Variants in ARPP21 observed in about 807,000 individuals in gnomAD.
ARPP21 encodes cAMP regulated phosphoprotein 21, also known as cAMP-regulated phosphoprotein 21.
A neutral mutation model predicts 113.2 loss-of-function variants in ARPP21; 69 were observed. That is an observed-to-expected ratio of 0.61 (90% CI 0.50 to 0.74). The LOEUF (loss-of-function observed/expected upper bound fraction) is 0.74, where lower values mean the gene tolerates loss of function less well. ARPP21 is among the 30% of genes least tolerant of loss of function. The probability of loss-of-function intolerance (pLI) is 0.00; values close to 1 mark genes in which losing one functional copy is unlikely to be tolerated. For missense variants in ARPP21, 1,070 were observed against 1,037.4 expected (o/e 1.03, Z -0.43); for synonymous variants, 368 against 375.5 (o/e 0.98, Z 0.23).
At chr3:35,790,322 A>G (rs541941143) in intron 19 of ARPP21, among the ~76,000 whole-genome samples, 1 of 152,310 alleles carries the variant, frequency 6.6e-6, no homozygotes, top group South Asian at 2.1e-4. Flanking sequence ...TGTTGGTTAT[A>G]AGTTTTCTAT....
intron 19 of ARPP21, among the ~76,000 whole-genome samples, chr3:35,780,817 G>T (rs1559944413): frequency 6.6e-6 from 1 of 152,060 alleles, no homozygotes; most frequent in Non-Finnish European, 1.5e-5. Context: ...TTATCTGGAG[G>T]CAGGCTAAAG....
At chr3:35,682,936 T>C (rs1378792250) in intron 4 of ARPP21, 47 bp downstream of exon 4, 4 of 1,469,586 alleles carry the variant, frequency 2.7e-6, no homozygotes, top group Non-Finnish European at 3.7e-6. Flanking sequence ...TGGGTATAAA[T>C]TACATATTTT....
At chr3:35,712,335 GC>G (rs1339375990) in intron 11 of ARPP21, among the ~76,000 whole-genome samples, 1 of 152,104 alleles carries the variant, frequency 6.6e-6, no homozygotes. Flanking sequence ...TATTATTTAA[GC>G]AGTGGAGTGA....
chr3:35,717,594 T>C (rs1049688031), intron 13 of ARPP21, among the ~76,000 whole-genome samples: 1 of 152,112 alleles, frequency 6.6e-6, no homozygotes, highest in Non-Finnish European at 1.5e-5. Flanking sequence ...TTCTGCTTTT[T>C]GGGGGCTAAC....
intron 1 of ARPP21, among the ~76,000 whole-genome samples, chr3:35,649,852 T>A (rs1320188140): frequency 6.6e-6 from 1 of 152,130 alleles, no homozygotes; most frequent in East Asian, 1.9e-4. Context: ...GAGAACTGAA[T>A]TCACGTTTTA....
chr3:35,645,465 A>G (rs1474614380), intron 1 of ARPP21, among the ~76,000 whole-genome samples: 1 of 151,898 alleles, frequency 6.6e-6, no homozygotes, highest in Admixed American at 6.6e-5. Flanking sequence ...ATTATGGGTA[A>G]TGTTTCTATG....
intron 1 of ARPP21, among the ~76,000 whole-genome samples, chr3:35,655,111 T>C (rs1393169059): frequency 6.6e-6 from 1 of 151,980 alleles, no homozygotes; most frequent in Non-Finnish European, 1.5e-5. Flanking sequence ...ATTCATCATA[T>C]GCATTAGCTA....
At position 35,709,088 on chromosome 3, in the gene ARPP21, T is replaced by G. The variant is rs1020584310; in HGVS notation, c.897+18T>G. Reference sequence around the variant, plus strand: ...CACACGATGTGAGTAGTTGTTTTAATTGCCTCTTTAGTGCGCTCCTTCCAA... The same window carrying G: ...CACACGATGTGAGTAGTTGTTTTAAGTGCCTCTTTAGTGCGCTCCTTCCAA... On this transcript the variant is annotated intron_variant, in intron 11 of 20. Transcript: ENST00000684406. 1.3e-6 allele frequency: 2 copies of G among 1,565,648 alleles called. No homozygotes were observed. Among genetic ancestry groups the G allele is most frequent in the Non-Finnish European group, 1.8e-6 (2 of 1,136,546 alleles).
Position 35,793,783 on chromosome 3 carries a change from G to A in ARPP21, c.2369G>A (p.Gly790Glu), listed in dbSNP as rs1225404666. The change falls in exon 21 of 21, where the codon GGG becomes GAG. Residue 790 changes from glycine to glutamate, a missense_variant. Gly to Glu is a moderately conservative substitution (Grantham distance 98). Transcript: ENST00000684406. ...PIMLPNQAGQ[G>E]SLPATGMPVY... Reference sequence around the variant, plus strand: ...ATGCTACCTAACCAGGCAGGTCAAGGGTCACTCCCAGCCACTGGAATGCCT... The same window carrying A: ...ATGCTACCTAACCAGGCAGGTCAAGAGTCACTCCCAGCCACTGGAATGCCT... 12 of 1,613,900 alleles carry A rather than the reference G, an allele frequency of 7.4e-6. No homozygotes were observed. In the South Asian group the frequency reaches 7.7e-5, roughly 10 times the overall value.
intron 19 of ARPP21, among the ~76,000 whole-genome samples, chr3:35,783,891 A>G (rs1281661032): frequency 1.3e-5 from 2 of 152,034 alleles, no homozygotes; most frequent in African/African-American, 4.8e-5. Flanking sequence ...CCTTATGTTT[A>G]TGCCTCTTTT....
In ARPP21 at chr3:35,793,666, C is replaced by T. The variant is rs767285664; in HGVS notation, c.2287-35C>T. 6.4e-6 allele frequency: 10 copies of T among 1,560,956 alleles called. No homozygotes were observed. The Admixed American group carries it at 6.7e-5, about 10-fold the overall frequency. ...TTTATTGTACAGACCAAAATAGTCT[C>T]TTCATACAGGGTTCTTGCTTGTGTC... is the stretch of plus-strand genomic sequence containing the variant. On this transcript the variant is annotated intron_variant, in intron 20 of 20. Transcript: ENST00000684406.
chr3:35,719,033 T>C (rs369228784), intron 13 of ARPP21, among the ~76,000 whole-genome samples: 2 of 66,726 alleles, frequency 3.0e-5, no homozygotes, highest in Non-Finnish European at 7.8e-5. Flanking sequence ...TTCTAGTTAC[T>C]TACAAGAGGG....
chr3:35,744,258 C>T (rs2094868369), intron 19 of ARPP21, among the ~76,000 whole-genome samples: 1 of 152,206 alleles, frequency 6.6e-6, no homozygotes, highest in Non-Finnish European at 1.5e-5. Context: ...CTTTCTAGTT[C>T]ATACCTTCTT....
intron 14 of ARPP21, among the ~76,000 whole-genome samples, chr3:35,728,598 A>G (rs966678202): frequency 1.3e-5 from 2 of 151,960 alleles, no homozygotes; most frequent in African/African-American, 2.4e-5. Context: ...TCAATGGTTT[A>G]AAGTTGCCTC....
chr3:35,650,783 C>T (rs1702080586), intron 1 of ARPP21, among the ~76,000 whole-genome samples: 1 of 152,088 alleles, frequency 6.6e-6, no homozygotes, highest in South Asian at 2.1e-4. Flanking sequence ...TTCTCTTTTT[C>T]ACTCCCATTA....
At chr3:35,709,461 G>A (rs1354852895) in intron 11 of ARPP21, among the ~76,000 whole-genome samples, 1 of 152,136 alleles carries the variant, frequency 6.6e-6, no homozygotes, top group Non-Finnish European at 1.5e-5. Context: ...ACAAAGAAGA[G>A]AGAATCTGTT....
At chr3:35,650,830 A>C (rs932885884) in intron 1 of ARPP21, among the ~76,000 whole-genome samples, 3 of 152,140 alleles carry the variant, frequency 2.0e-5, no homozygotes, top group African/African-American at 7.2e-5. Context: ...TAGGGCTGCA[A>C]GTAAATGGTT....
chr3:35,748,437 A>G (rs200149646), intron 19 of ARPP21, among the ~76,000 whole-genome samples: 1 of 149,642 alleles, frequency 6.7e-6, no homozygotes, highest in East Asian at 2.2e-4. Context: ...AAGAAAGAGA[A>G]AGAAAGAAAG....
At chr3:35,693,421 A>C (rs1019661331) in intron 9 of ARPP21, among the ~76,000 whole-genome samples, 7 of 151,486 alleles carry the variant, frequency 4.6e-5, no homozygotes, top group Non-Finnish European at 7.4e-5. Context: ...TTCATCCTCT[A>C]TTTGAGTAGT....
Sources: allele counts gnomAD v4.1 joint callset (sites outside exome capture counted in the v4.1 genomes callset), GRCh38; gene constraint gnomAD v4.1.1; transcripts MANE v1.5; gene names NCBI Gene and HGNC (gene_info 2026-07-23, HGNC 2026-07-21).